RRBP1: variants seen among roughly 807,000 people sequenced by gnomAD.
The protein encoded by RRBP1 is ribosome-binding protein 1.
RRBP1 carries 94 observed loss-of-function variants against 165.2 expected under a neutral mutation model. The observed-to-expected ratio is 0.57, with a 90% CI of 0.48 to 0.68. The LOEUF is 0.68. Ranked by LOEUF, RRBP1 falls within the 30% of genes least tolerant of loss-of-function variation. The probability of loss-of-function intolerance (pLI) is 0.00; values close to 1 mark genes in which losing one functional copy is unlikely to be tolerated. For synonymous variants in RRBP1, 680 were observed against 714.5 expected (o/e 0.95, Z 0.77); for missense variants, 1,676 against 1,763.0 (o/e 0.95, Z 0.88).
At chr20:17,614,321 C>A in intron 24 of RRBP1, 101 bp from the exon 25 acceptor site, 1 of 1,125,790 alleles carries the variant, frequency 8.9e-7, no homozygotes, top group South Asian at 1.3e-5. Flanking sequence ...TGGATTGACC[C>A]CCTCAAGCCA....
chr20:17,681,333 T>G (rs904912630), intron 1 of RRBP1, among the ~76,000 whole-genome samples: 10 of 145,474 alleles, frequency 6.9e-5, no homozygotes, highest in African/African-American at 2.5e-4. Flanking sequence ...CCTCCCGCAC[T>G]CCGGGAAGTT....
rs200124781 is a variant in RRBP1, at chr20:17,660,101, G to T, written c.407C>A (p.Pro136His). The T allele has an allele frequency of 4.3e-6, 7 of 1,614,136 alleles. No individual in the cohort carries two copies. Among genetic ancestry groups the T allele is most frequent in the East Asian group, 4.5e-5 (2 of 44,882 alleles). ...TTTCTCCTTCTTCTTTTTGTCCTTG[G>T]GGGAGGAGGCCAGCTTCTCCTGGGG... is the stretch of plus-strand genomic sequence containing the variant. ...AMPQEKLASS[P>H]KDKKKKEKKV... The change falls in exon 3 of 25, where the codon CCC becomes CAC. Residue 136 changes from proline to histidine, a missense_variant. By Grantham distance (77) the Pro-to-His change is moderately conservative (BLOSUM62 -2). This residue lies in a region of RRBP1 where 392 missense variants were observed against 382.5 expected (regional missense o/e 1.02). Coordinates refer to ENST00000377813, the MANE Select transcript of RRBP1 (RefSeq NM_001365613.2).
intron 2 of RRBP1, among the ~76,000 whole-genome samples, chr20:17,672,962 TC>T (rs2037005895): frequency 6.6e-6 from 1 of 152,186 alleles, no homozygotes; most frequent in Non-Finnish European, 1.5e-5. Flanking sequence ...GAGCAGGTAT[TC>T]CCTGCCCACG....
intron 11 of RRBP1, among the ~76,000 whole-genome samples, chr20:17,626,151 TTTGAGA>T (rs1318584581): frequency 1.3e-5 from 2 of 152,282 alleles, no homozygotes; most frequent in African/African-American, 4.8e-5. Context: ...AGATCAACTG[TTTGAGA>T]AGGAAATAAA....
At chr20:17,651,906 A>T (rs1412687505) in intron 3 of RRBP1, among the ~76,000 whole-genome samples, 1 of 152,252 alleles carries the variant, frequency 6.6e-6, no homozygotes, top group Non-Finnish European at 1.5e-5. Flanking sequence ...GAAGAGCTCC[A>T]GCCTGGGTCT....
At chr20:17,615,310 T>A (rs915567700) in intron 23 of RRBP1, 121 bp downstream of exon 23, 40 of 736,842 alleles carry the variant, frequency 5.4e-5, no homozygotes, top group Admixed American at 3.2e-4. Flanking sequence ...GGGGAACCAG[T>A]GCCAAGGGCA....
chr20:17,677,008 A>T (rs1176630335), intron 2 of RRBP1, among the ~76,000 whole-genome samples: 1 of 152,042 alleles, frequency 6.6e-6, no homozygotes, highest in Non-Finnish European at 1.5e-5. Flanking sequence ...TTGGCCTCCC[A>T]AAGTGCTGGG....
chr20:17,622,811 C>G (rs575776106), intron 13 of RRBP1: 2 of 152,244 alleles, frequency 1.3e-5, no homozygotes, highest in Non-Finnish European at 2.9e-5. Flanking sequence ...CCTGGACAGG[C>G]CTGGCCTAAG....
chr20:17,670,591 T>C (rs1273411592), intron 2 of RRBP1, among the ~76,000 whole-genome samples: 1 of 152,218 alleles, frequency 6.6e-6, no homozygotes, highest in Non-Finnish European at 1.5e-5. Flanking sequence ...TCTCCAACAT[T>C]ATTCTTTTAC....
rs779841706 is a variant in RRBP1, at chr20:17,620,283, T to C, written c.3579+16A>G. ...TCCCGGGACAAGAGAAAGAGTTCTCTGAGCAGAGCACATACCTGGTCCGAA... is the reference window on the plus strand; with the variant it reads ...TCCCGGGACAAGAGAAAGAGTTCTCCGAGCAGAGCACATACCTGGTCCGAA... On this transcript the variant is annotated intron_variant, in intron 18 of 24. Coordinates refer to ENST00000377813, the MANE Select transcript of RRBP1 (RefSeq NM_001365613.2). 6.3e-7 allele frequency: 1 copy of C among 1,599,408 alleles called. No individual in the cohort carries two copies. The highest frequency in any genetic ancestry group is 1.7e-5 in the Admixed American group (1 of 59,980).
At chr20:17,644,466 G>A (rs572605256) in intron 3 of RRBP1, among the ~76,000 whole-genome samples, 3 of 152,312 alleles carry the variant, frequency 2.0e-5, no homozygotes, top group South Asian at 2.1e-4. Flanking sequence ...AGAAACCCCC[G>A]TGTTAGTTCA....
At chr20:17,636,382 A>C (rs1029810566) in intron 6 of RRBP1, among the ~76,000 whole-genome samples, 195 bp downstream of exon 6, 2 of 152,344 alleles carry the variant, frequency 1.3e-5, no homozygotes, top group African/African-American at 4.8e-5. Flanking sequence ...TTATACACAC[A>C]CTTGGGCTGC....
At chr20:17,632,021 G>T (rs1249320945) in intron 8 of RRBP1, among the ~76,000 whole-genome samples, 1 of 152,206 alleles carries the variant, frequency 6.6e-6, no homozygotes, top group Non-Finnish European at 1.5e-5. Flanking sequence ...GTAATAGCAT[G>T]GTTAACTCCC....
chr20:17,679,087 A>C (rs910632091), intron 2 of RRBP1, among the ~76,000 whole-genome samples: 43 of 152,234 alleles, frequency 2.8e-4, no homozygotes, highest in Non-Finnish European at 8.8e-5. Context: ...ACTGGGCAAC[A>C]GGAACTGGCC....
intron 11 of RRBP1, among the ~76,000 whole-genome samples, chr20:17,625,857 G>A (rs984965225): frequency 3.3e-5 from 5 of 151,894 alleles, no homozygotes; most frequent in East Asian, 1.9e-4. Context: ...TGGTGACACC[G>A]GAGAGCTGGG....
At chr20:17,664,232 C>G (rs1027977770) in intron 2 of RRBP1, among the ~76,000 whole-genome samples, 3 of 152,200 alleles carry the variant, frequency 2.0e-5, no homozygotes, top group Admixed American at 2.0e-4. Flanking sequence ...GAGAGGGCCA[C>G]CAAGTGACGC....
intron 13 of RRBP1, 30 bp from the exon 14 acceptor site, chr20:17,621,977 T>C (rs772636266): frequency 1.9e-6 from 3 of 1,574,934 alleles, no homozygotes; most frequent in South Asian, 1.1e-5. Flanking sequence ...GAGCGGAAGG[T>C]GTTCAGCTGT....
intron 20 of RRBP1, among the ~76,000 whole-genome samples, chr20:17,618,064 T>C (rs1949927665): frequency 6.6e-6 from 1 of 151,966 alleles, no homozygotes; most frequent in Non-Finnish European, 1.5e-5. Context: ...GGGGCTGCTC[T>C]CTGCACCCGG....
At position 17,620,202 on chromosome 20, in the gene RRBP1, C is replaced by T. The variant is rs2035883782; in HGVS notation, c.3579+97G>A. 3.4e-6 allele frequency: 3 copies of T among 893,150 alleles called. No homozygotes were observed. The Admixed American group carries it at 5.4e-5, about 16-fold the overall frequency. 55.3% of individuals were successfully genotyped at this position (893,150 alleles called of 1,614,324 possible). On this transcript the variant is annotated intron_variant, in intron 18 of 24. Coordinates refer to ENST00000377813, the MANE Select transcript of RRBP1 (RefSeq NM_001365613.2). ...GAATGCCTCTCTTAAGGCACACGGT[C>T]CATGAGGAAGAAATCAGTGAAGTGT...
Sources: allele counts gnomAD v4.1 joint callset (sites outside exome capture counted in the v4.1 genomes callset), GRCh38; gene constraint gnomAD v4.1.1; regional missense constraint gnomAD v4.1.1; transcripts MANE v1.5; gene names NCBI Gene and HGNC (gene_info 2026-07-23, HGNC 2026-07-21).